HTR2C: variants seen among roughly 807,000 people sequenced by gnomAD.
HTR2C encodes the protein 5-hydroxytryptamine (serotonin) receptor 2C, G protein-coupled.
In HTR2C, 5 loss-of-function variants were observed where a neutral mutation model predicts 21.0. That is an observed-to-expected ratio of 0.24 (90% CI 0.12 to 0.50). The LOEUF is 0.50. Among genes scored for constraint, HTR2C ranks in the 20% least tolerant of loss-of-function variants. HTR2C has a pLI of 0.98. For missense variants in HTR2C, 271 were observed against 371.2 expected, an observed-to-expected ratio of 0.73 and a Z score of 2.22; for synonymous variants, 150 against 145.3, an observed-to-expected ratio of 1.03 and a Z score of -0.23.
chrX:114,856,274 G>A (rs12014877), intron 5 of HTR2C, among the ~76,000 whole-genome samples: 10,022 of 99,794 alleles, frequency 0.1, 543 homozygotes, highest in Middle Eastern at 0.17. Context: ...GGGATGTGAA[G>A]GACCTCTTCA....
chrX:114,870,461 C>T (rs1024178060), intron 5 of HTR2C, among the ~76,000 whole-genome samples: 1 of 111,275 alleles, frequency 9.0e-6, no homozygotes, highest in Non-Finnish European at 1.9e-5. Flanking sequence ...GGCAGTACTC[C>T]CTCCTCTATT....
intron 5 of HTR2C, among the ~76,000 whole-genome samples, chrX:114,875,011 T>A (rs1465907742): frequency 1.8e-5 from 2 of 111,300 alleles, no homozygotes; most frequent in African/African-American, 6.5e-5. Context: ...TATAGATAAG[T>A]AAAATTTTTT....
intron 2 of HTR2C, among the ~76,000 whole-genome samples, chrX:114,654,772 T>C (rs782763565): frequency 8.2e-5 from 9 of 110,365 alleles, no homozygotes; most frequent in Non-Finnish European, 1.7e-4. Flanking sequence ...TCAGGATACA[T>C]TGTGAACACA....
At position 114,828,422 on chromosome X, in the gene HTR2C, G is replaced by A. The variant is rs782135390; in HGVS notation, c.350-19581G>A. ...TTTGTCTACAAATTCCAACATTTGC[G>A]TTATCGAAGGGTTGCTGTCTTTGAT... On this transcript the variant is annotated intron_variant, in intron 4 of 5. Transcript: ENST00000276198. Among the ~76,000 whole-genome samples, 199 of 110,735 alleles carry A rather than the reference G, an allele frequency of 1.8e-3. No individual in the cohort carries two copies. In the Middle Eastern group the frequency reaches 0.019, roughly 10 times the overall value.
At chrX:114,703,768 G>A (rs1032492634) in intron 2 of HTR2C, among the ~76,000 whole-genome samples, 31 of 110,409 alleles carry the variant, frequency 2.8e-4, no homozygotes, top group East Asian at 1.1e-3. Context: ...TATTGAATCC[G>A]GGAGCTGGTT....
At chrX:114,690,518 T>C (rs1470801319) in intron 2 of HTR2C, among the ~76,000 whole-genome samples, 2 of 111,475 alleles carry the variant, frequency 1.8e-5, no homozygotes, top group African/African-American at 6.5e-5. Context: ...ACTCTAACAA[T>C]AAAATTGTAC....
chrX:114,861,475 T>C (rs999935011), intron 5 of HTR2C, among the ~76,000 whole-genome samples: 4 of 111,374 alleles, frequency 3.6e-5, no homozygotes, highest in Admixed American at 9.6e-5. Flanking sequence ...TGAATAATGC[T>C]GCAATGAGCA....
chrX:114,889,551 C>CTTTTTCCT (rs1166499225), intron 5 of HTR2C, among the ~76,000 whole-genome samples: 1 of 112,228 alleles, frequency 8.9e-6, no homozygotes, highest in African/African-American at 3.2e-5. Context: ...TTATTTCTCA[C>CTTTTTCCT]TTTTTCCTTT....
intron 1 of HTR2C, among the ~76,000 whole-genome samples, chrX:114,611,767 G>C (rs1233236114): frequency 9.0e-6 from 1 of 111,369 alleles, no homozygotes; most frequent in Non-Finnish European, 1.9e-5. Context: ...GCGCGATCTC[G>C]GCTCACTGCA....
At chrX:114,680,057 G>A (rs1931694805) in intron 2 of HTR2C, among the ~76,000 whole-genome samples, 1 of 112,165 alleles carries the variant, frequency 8.9e-6, no homozygotes, top group African/African-American at 3.2e-5. Flanking sequence ...ATTTGGAACT[G>A]TAGAGAAAAT....
rs1161298436 is a variant in HTR2C at position 114,844,483 on chromosome X, T to A, written c.350-3520T>A. On this transcript the variant is annotated intron_variant, in intron 4 of 5. Coordinates refer to ENST00000276198, the MANE Select transcript of HTR2C (RefSeq NM_000868.4). ...CAGAAAAAAATGATAGTATATGTTA[T>A]AGATAAAATGGTGCAAGTGTCTTTT... Among the ~76,000 whole-genome samples, 3 of 111,974 alleles carry A rather than the reference T, an allele frequency of 2.7e-5. No homozygotes were observed. In the East Asian group the frequency reaches 8.3e-4, roughly 31 times the overall value.
chrX:114,871,133 C>A (rs782708668), intron 5 of HTR2C, among the ~76,000 whole-genome samples: 1 of 111,102 alleles, frequency 9.0e-6, no homozygotes, highest in Middle Eastern at 4.6e-3. Flanking sequence ...TTTCCATTAT[C>A]ATTTGTTTCA....
In HTR2C at chrX:114,848,036, C is replaced by G. The variant is rs1569499428; in HGVS notation, c.383C>G (p.Pro128Arg). 8.3e-7 allele frequency: 1 copy of G among 1,209,343 alleles called. No homozygotes were observed. The highest frequency in any genetic ancestry group is 1.1e-6 in the Non-Finnish European group (1 of 893,627). ...YVWPLPRYLCPVWISLDVLFS... is the reference protein window; with the variant it reads ...YVWPLPRYLCRVWISLDVLFS... Reference sequence around the variant, plus strand: ...TGGCCACTACCTAGATATTTGTGCCCCGTCTGGATTTCTTTAGATGTTTTA... The same window carrying G: ...TGGCCACTACCTAGATATTTGTGCCGCGTCTGGATTTCTTTAGATGTTTTA... Residue 128 changes from proline (P) to arginine (R), a missense_variant, in exon 5 of 6, where the codon CCC (proline) becomes CGC (arginine). By Grantham distance (103) the Pro-to-Arg change is moderately radical. Around this residue, in one of 5 missense-constraint regions of HTR2C, gnomAD observed 16 missense variants for 19.2 expected, o/e 0.83. Coordinates refer to ENST00000276198, the MANE Select transcript of HTR2C (RefSeq NM_000868.4).
At chrX:114,772,500 A>G (rs1556437298) in intron 4 of HTR2C, among the ~76,000 whole-genome samples, 4 of 108,570 alleles carry the variant, frequency 3.7e-5, no homozygotes, top group African/African-American at 1.3e-4. Flanking sequence ...GGGGGCCTTG[A>G]TTCTGACCTT....
intron 2 of HTR2C, among the ~76,000 whole-genome samples, chrX:114,621,572 GC>G (rs1929165961): frequency 8.9e-6 from 1 of 112,043 alleles, no homozygotes; most frequent in African/African-American, 3.2e-5. Context: ...GGTATAAGAT[GC>G]CGATCGATAA....
intron 4 of HTR2C, among the ~76,000 whole-genome samples, chrX:114,745,240 A>G (rs5988121): frequency 0.066 from 7,450 of 112,095 alleles, 637 homozygotes; most frequent in African/African-American, 0.23. Context: ...CAAAACTACA[A>G]ATTAAACTAC....
At chrX:114,850,925 C>A (rs1016333337) in intron 5 of HTR2C, among the ~76,000 whole-genome samples, 1 of 110,859 alleles carries the variant, frequency 9.0e-6, no homozygotes, top group African/African-American at 3.3e-5. Flanking sequence ...TAAACACTAT[C>A]CAAGAGAAAG....
At chrX:114,803,746 A>G (rs2070375634) in intron 4 of HTR2C, among the ~76,000 whole-genome samples, 2 of 107,871 alleles carry the variant, frequency 1.9e-5, no homozygotes, top group African/African-American at 3.4e-5. Context: ...ATTAGATCCC[A>G]TTTGTCAATT....
chrX:114,638,865 T>G (rs1929974675), intron 2 of HTR2C, among the ~76,000 whole-genome samples: 1 of 108,666 alleles, frequency 9.2e-6, no homozygotes, highest in South Asian at 4.2e-4. Context: ...TCATCATTTT[T>G]TATGGCTGCA....
Sources: allele counts gnomAD v4.1 joint callset (sites outside exome capture counted in the v4.1 genomes callset), GRCh38; gene constraint gnomAD v4.1.1; regional missense constraint gnomAD v4.1.1; transcripts MANE v1.5; gene names NCBI Gene and HGNC (gene_info 2026-07-23, HGNC 2026-07-21).